GMEB2: variants seen among roughly 807,000 people sequenced by gnomAD.
The protein encoded by GMEB2 is glucocorticoid modulatory element binding protein 2, also known as glucocorticoid modulatory element-binding protein 2.
In GMEB2, 7 loss-of-function variants were observed where a neutral mutation model predicts 45.7. The ratio of observed to expected loss-of-function variants is 0.15; its 90% CI spans 0.09 to 0.29. The LOEUF (loss-of-function observed/expected upper bound fraction) is 0.29. Among genes scored for constraint, GMEB2 ranks in the 10% least tolerant of loss-of-function variants. GMEB2 has a pLI of 1.00. For synonymous variants in GMEB2, 322 were observed against 323.6 expected, an observed-to-expected ratio of 1.00 and a Z score of 0.05; for missense variants, 582 against 739.2, an observed-to-expected ratio of 0.79 and a Z score of 2.47.
intron 2 of GMEB2, among the ~76,000 whole-genome samples, chr20:63,606,975 C>A (rs1398899725): frequency 1.3e-5 from 2 of 152,178 alleles, no homozygotes; most frequent in Non-Finnish European, 1.5e-5. Context: ...CCAATGGAGT[C>A]GTTGGTGAGA....
At chr20:63,610,268 T>C (rs2089558946) in intron 2 of GMEB2, among the ~76,000 whole-genome samples, 1 of 152,136 alleles carries the variant, frequency 6.6e-6, no homozygotes, top group Admixed American at 6.5e-5. Flanking sequence ...ACACCTGTAA[T>C]CCCAGCACTT....
At position 63,592,038 on chromosome 20, in the gene GMEB2, G is replaced by C; in HGVS notation, c.936C>G (p.Tyr312Ter). ...KCQMDRSREQ[Y>*]ARDLAALEQQ... is the part of the protein sequence containing the mutation. ...TCAGCATACCTGCCAGGTCCCGGGC[G>C]TACTGCTCCCGCGAGCGGTCCATCT... The change falls in exon 9 of 10, where the codon TAC becomes TAG. Residue 312 changes from tyrosine (Y) to a stop codon, truncating the protein, a stop_gained. Coordinates refer to ENST00000370077, the MANE Select transcript of GMEB2 (RefSeq NM_012384.5). LOFTEE classifies it high-confidence loss of function. This position sits in a 1 kb window ranked among gnomAD's most constrained non-coding sequence, Gnocchi z 8.2. 6.2e-7 allele frequency: 1 copy of C among 1,612,060 alleles called. No individual in the cohort carries two copies. The highest frequency in any genetic ancestry group is 2.2e-5 in the East Asian group (1 of 44,870).
chr20:63,609,110 C>A (rs1349708777), intron 2 of GMEB2, among the ~76,000 whole-genome samples: 2 of 107,380 alleles, frequency 1.9e-5, no homozygotes, highest in Admixed American at 8.9e-5. Context: ...TCTGACCCAC[C>A]TCCATTTCCA....
rs192220884 is a variant in GMEB2 at position 63,590,035 on chromosome 20, G to A, written c.*54C>T. ...CGGCCTCTGCCCGCTCCCTGCTGCC[G>A]CGGCTGAGAGACAGCCAGCCCTGTC... On this transcript the variant is annotated 3_prime_UTR_variant, in exon 10 of 10. Coordinates refer to ENST00000370077, the MANE Select transcript of GMEB2 (RefSeq NM_012384.5). The A allele has an allele frequency of 6.0e-5, 87 of 1,448,872 alleles. No individual in the cohort carries two copies. In the South Asian group the frequency reaches 9.9e-4, roughly 16 times the overall value. The allele number at this position is 1,448,872 out of a possible 1,614,324, so 89.8% of individuals were successfully genotyped here.
Position 63,619,385 on chromosome 20 carries a change from C to A in GMEB2, c.13G>T (p.Asp5Tyr). 6.2e-7 allele frequency: 1 copy of A among 1,611,424 alleles called. No homozygotes were observed. The highest frequency in any genetic ancestry group is 8.5e-7 in the Non-Finnish European group (1 of 1,179,766). Residue 5 changes from aspartate to tyrosine, a missense_variant, in exon 2 of 10, where the codon GAC (aspartate) becomes TAC (tyrosine). Asp to Tyr is a radical substitution (Grantham distance 160, BLOSUM62 -3). Around this residue, in one of 3 missense-constraint regions of GMEB2, gnomAD observed 114 missense variants for 123.4 expected, o/e 0.92. Coordinates refer to ENST00000370077, the MANE Select transcript of GMEB2 (RefSeq NM_012384.5). This position sits in a 1 kb window ranked among gnomAD's most constrained non-coding sequence, Gnocchi z 4.6. ...ACCTCCTCCATGTGCACACTCACGT[C>A]GGGAGTCGCCATGGCTCAGCGGAAG... Reference protein sequence around the residue: MATPDVSVHMEEVVV... With the variant: MATPYVSVHMEEVVV...
chr20:63,601,837 C>A, intron 4 of GMEB2, among the ~76,000 whole-genome samples: 1 of 117,466 alleles, frequency 8.5e-6, no homozygotes, highest in East Asian at 3.2e-4. Context: ...CTGTGGCTTC[C>A]GTGGGGCCTG....
At chr20:63,608,868 C>CCA (rs2089542346) in intron 2 of GMEB2, among the ~76,000 whole-genome samples, 1 of 60,120 alleles carries the variant, frequency 1.7e-5, no homozygotes, top group Non-Finnish European at 3.9e-5. Context: ...CCCTCTGACC[C>CCA]CACATCCATT....
intron 2 of GMEB2, among the ~76,000 whole-genome samples, chr20:63,606,018 C>A (rs1309675059): frequency 6.6e-6 from 1 of 151,734 alleles, no homozygotes; most frequent in East Asian, 1.9e-4. Context: ...AGTGCCCCAG[C>A]AAGGATTCTA....
At chr20:63,597,066 A>G (rs1432491947) in intron 5 of GMEB2, among the ~76,000 whole-genome samples, 2 of 152,140 alleles carry the variant, frequency 1.3e-5, no homozygotes, top group African/African-American at 4.8e-5. Context: ...ATAAAAGGCC[A>G]AAATCTGATG....
rs927059299 is a variant in GMEB2 at position 63,589,999 on chromosome 20, A to G, written c.*90T>C. On this transcript the variant is annotated 3_prime_UTR_variant, in exon 10 of 10. Coordinates refer to ENST00000370077, the MANE Select transcript of GMEB2 (RefSeq NM_012384.5). ...GCAGACCACGTGACCCACCTGCCCG[A>G]GCCAGCCCTGCGGCCTCTGCCCGCT... 4.2e-6 allele frequency: 5 copies of G among 1,199,430 alleles called. No individual in the cohort carries two copies. In the African/African-American group the frequency reaches 4.6e-5, roughly 11 times the overall value. The allele number at this position is 1,199,430 out of a possible 1,614,324, so 74.3% of individuals were successfully genotyped here.
chr20:63,604,799 G>A lies in GMEB2; in HGVS notation c.173C>T (p.Ala58Val), dbSNP rs763262479. The A allele has an allele frequency of 3.0e-5, 49 of 1,611,562 alleles. 1 individual carries two copies. The East Asian group carries it at 8.0e-4, about 26-fold the overall frequency. The change falls in exon 3 of 10, where the codon GCG becomes GTG. Residue 58 changes from alanine (A) to valine (V), a missense_variant. Ala to Val is a moderately conservative substitution (Grantham distance 64). Around this residue, in one of 3 missense-constraint regions of GMEB2, gnomAD observed 114 missense variants for 123.4 expected, o/e 0.92. Coordinates refer to ENST00000370077, the MANE Select transcript of GMEB2 (RefSeq NM_012384.5). ...TGTGAAGGCCGCGGCAGCTGCTGCC[G>A]CTGCATTTTCTGTCTCCATGTTATC... is the stretch of plus-strand genomic sequence containing the variant. ...TEDNMETENA[A>V]AAAAAAFTAS...
At chr20:63,626,575 G>C (rs1292045897) in intron 1 of GMEB2, among the ~76,000 whole-genome samples, 32 of 140,822 alleles carry the variant, frequency 2.3e-4, no homozygotes, top group African/African-American at 7.9e-4. Context: ...CGGGTCGGGT[G>C]CCTGCGGGGT....
intron 2 of GMEB2, among the ~76,000 whole-genome samples, chr20:63,610,586 G>A (rs1367974700): frequency 2.0e-5 from 3 of 152,150 alleles, no homozygotes; most frequent in Non-Finnish European, 2.9e-5. Flanking sequence ...GATGGTAGAA[G>A]AACAGATTTA....
chr20:63,601,379 C>T (rs750248531), intron 4 of GMEB2, among the ~76,000 whole-genome samples: 2 of 152,164 alleles, frequency 1.3e-5, no homozygotes, highest in African/African-American at 2.4e-5. Context: ...GACTCTCGTG[C>T]TTCCTGAATA....
Position 63,592,227 on chromosome 20 carries a change from T to G in GMEB2, c.830-83A>C. The G allele has an allele frequency of 1.5e-6, 2 of 1,357,598 alleles. No homozygotes were observed. The highest frequency in any genetic ancestry group is 2.3e-5 in the East Asian group (1 of 42,922). The allele number at this position is 1,357,598 out of a possible 1,614,324, so 84.1% of individuals were successfully genotyped here. A position where few individuals can be genotyped will look rare whatever the true frequency, so the allele number is the denominator to read the frequency against. ...GGACGCTCGGTGAGAGCCCGGGACC[T>G]TCCTAGAGAGTCACGTGGACGCTCG... On this transcript the variant is annotated intron_variant, in intron 8 of 9. Transcript: ENST00000370077. This position sits in a 1 kb window ranked among gnomAD's most constrained non-coding sequence, Gnocchi z 8.2.
chr20:63,595,124 C>T (rs1373883670), intron 6 of GMEB2, among the ~76,000 whole-genome samples: 3 of 152,196 alleles, frequency 2.0e-5, no homozygotes, highest in Non-Finnish European at 4.4e-5. Context: ...CTACAGACAC[C>T]AACGTGGAAC....
At chr20:63,611,967 G>A (rs1312101194) in intron 2 of GMEB2, among the ~76,000 whole-genome samples, 2 of 151,740 alleles carry the variant, frequency 1.3e-5, no homozygotes, top group East Asian at 3.9e-4. Context: ...GAGGCAGGAC[G>A]ATTCCTTGAA....
Position 63,592,073 on chromosome 20 carries a change from G to A in GMEB2, c.901C>T (p.His301Tyr). The change falls in exon 9 of 10, where the codon CAC (histidine) becomes TAC (tyrosine). Residue 301 changes from histidine to tyrosine, a missense_variant. Physicochemically the swap from His to Tyr is moderately conservative, Grantham distance 83. Coordinates refer to ENST00000370077, the MANE Select transcript of GMEB2 (RefSeq NM_012384.5). The surrounding 1 kb of genome is among the most constrained non-coding windows in gnomAD (Gnocchi z 8.2). Reference protein sequence around the residue: ...LDLVKKVLASHKCQMDRSREQ... With the variant: ...LDLVKKVLASYKCQMDRSREQ... ...CGCGAGCGGTCCATCTGGCACTTGT[G>A]GCTGGCCAGCACCTTCTTCACCAGG... 1 of 1,613,496 alleles carries A rather than the reference G, an allele frequency of 6.2e-7. No homozygotes were observed. The highest frequency in any genetic ancestry group is 8.5e-7 in the Non-Finnish European group (1 of 1,179,822).
intron 2 of GMEB2, among the ~76,000 whole-genome samples, chr20:63,618,873 G>A (rs776670036): frequency 7.9e-5 from 12 of 152,152 alleles, no homozygotes; most frequent in Non-Finnish European, 1.8e-4. Context: ...CATTTGAATC[G>A]GACATCTGGT....
Sources: gnomAD v4.1 joint callset for allele counts (sites outside exome capture counted in the v4.1 genomes callset) on GRCh38, gnomAD v4.1.1 for gene constraint, gnomAD v4.1.1 regional missense constraint, Gnocchi (gnomAD v3.1) non-coding constraint, MANE v1.5 for transcripts, NCBI Gene and HGNC (gene_info 2026-07-23, HGNC 2026-07-21) for gene names.